Variants in ROBO2 observed in about 807,000 individuals in gnomAD.
ROBO2 encodes roundabout homolog 2.
Under a neutral mutation model 160.8 loss-of-function variants are expected in ROBO2, and 53 were observed. The observed-to-expected ratio is 0.33, with a 90% CI of 0.26 to 0.41. ROBO2 has a LOEUF of 0.41. Ranked by LOEUF, ROBO2 falls within the 10% of genes least tolerant of loss-of-function variation. The pLI is 1.00. For missense variants in ROBO2, 1,577 were observed against 1,722.4 expected (o/e 0.92, Z 1.49); for synonymous variants, 664 against 611.7 (o/e 1.09, Z -1.26).
chr3:76,706,171 T>TA (rs1322764554), intron 2 of ROBO2, among the ~76,000 whole-genome samples: 1 of 152,132 alleles, frequency 6.6e-6, no homozygotes, highest in Non-Finnish European at 1.5e-5. Flanking sequence ...AGAAAATAGT[T>TA]ACAAACTTTG....
chr3:77,118,688 A>C (rs907711391), intron 2 of ROBO2, among the ~76,000 whole-genome samples: 3 of 152,164 alleles, frequency 2.0e-5, no homozygotes, highest in African/African-American at 4.8e-5. Flanking sequence ...TTTTTATGTA[A>C]AGCAAGCATG....
intron 2 of ROBO2, among the ~76,000 whole-genome samples, chr3:77,368,992 C>A (rs774019226): frequency 6.6e-6 from 1 of 152,058 alleles, no homozygotes; most frequent in African/African-American, 2.4e-5. Context: ...TTTTATCTTG[C>A]GGTGGGGTTG....
At chr3:76,627,999 T>G (rs1190323009) in intron 2 of ROBO2, among the ~76,000 whole-genome samples, 1 of 151,916 alleles carries the variant, frequency 6.6e-6, no homozygotes, top group Non-Finnish European at 1.5e-5. Context: ...TTGAATATAT[T>G]ATAACAAGAG....
At chr3:76,971,929 A>T (rs547772195) in intron 2 of ROBO2, among the ~76,000 whole-genome samples, 1 of 152,314 alleles carries the variant, frequency 6.6e-6, no homozygotes, top group Non-Finnish European at 1.5e-5. Context: ...ATTAAATCAC[A>T]AGGATAATTA....
At chr3:77,007,218 T>C (rs2061626732) in intron 2 of ROBO2, among the ~76,000 whole-genome samples, 1 of 152,198 alleles carries the variant, frequency 6.6e-6, no homozygotes, top group Non-Finnish European at 1.5e-5. Flanking sequence ...CTTTGATTTA[T>C]AACTGTTCAT....
intron 2 of ROBO2, among the ~76,000 whole-genome samples, chr3:76,060,076 G>A (rs997207626): frequency 6.7e-5 from 10 of 149,894 alleles, no homozygotes; most frequent in Admixed American, 4.7e-4. Flanking sequence ...AAGGTACTTT[G>A]GTGTGATTTC....
chr3:76,622,242 GAAAGAAAGAAAGA>G (rs2089206685), intron 2 of ROBO2, among the ~76,000 whole-genome samples: 96 of 92,154 alleles, frequency 1.0e-3, no homozygotes, highest in Middle Eastern at 5.1e-3. Context: ...AAGGAAGAAA[GAAAGAAAGAAAGA>G]AAGAAAGAAA....
At chr3:76,038,796 A>ATGTG (rs111997787) in intron 2 of ROBO2, among the ~76,000 whole-genome samples, 4 of 149,682 alleles carry the variant, frequency 2.7e-5, no homozygotes, top group East Asian at 3.9e-4. Flanking sequence ...GTGTGTATGT[A>ATGTG]TGTGTGTGTG....
chr3:77,278,795 A>G (rs1276062012), intron 2 of ROBO2, among the ~76,000 whole-genome samples: 1 of 152,082 alleles, frequency 6.6e-6, no homozygotes, highest in East Asian at 1.9e-4. Context: ...AGTTGTGGAG[A>G]TAGTAGCAAT....
chr3:76,858,616 A>G (rs1357224976), intron 2 of ROBO2, among the ~76,000 whole-genome samples: 5 of 152,230 alleles, frequency 3.3e-5, no homozygotes, highest in Non-Finnish European at 7.3e-5. Context: ...AGTAATAAGA[A>G]GTAAGACTCG....
intron 2 of ROBO2, among the ~76,000 whole-genome samples, chr3:76,056,708 T>C (rs2067860684): frequency 6.6e-6 from 1 of 152,198 alleles, no homozygotes. Context: ...GGGTTGCAGA[T>C]GTTTATGGTA....
At chr3:77,044,011 A>G (rs1345342244) in intron 1 of ROBO2, among the ~76,000 whole-genome samples, 6 of 152,180 alleles carry the variant, frequency 3.9e-5, no homozygotes, top group African/African-American at 1.4e-4. Flanking sequence ...AGTCTATTTC[A>G]GAATTTAAAT....
intron 2 of ROBO2, among the ~76,000 whole-genome samples, chr3:77,206,359 G>A (rs147753388): frequency 6.6e-6 from 1 of 152,056 alleles, no homozygotes; most frequent in Admixed American, 6.5e-5. Flanking sequence ...TGGTGGAGAC[G>A]GGTTTTTACC....
chr3:77,047,986 G>T (rs187003910), intron 1 of ROBO2, among the ~76,000 whole-genome samples: 3 of 152,114 alleles, frequency 2.0e-5, no homozygotes, highest in African/African-American at 7.2e-5. Context: ...GGTGGAACTG[G>T]CAGTGAGCCG....
intron 2 of ROBO2, among the ~76,000 whole-genome samples, chr3:76,893,912 G>A (rs558205241): frequency 7.2e-5 from 11 of 151,970 alleles, no homozygotes; most frequent in Non-Finnish European, 1.0e-4. Context: ...ATATGAGTGA[G>A]AACATATGAT....
chr3:77,042,937 G>T (rs2064242024), intron 1 of ROBO2, among the ~76,000 whole-genome samples: 1 of 152,198 alleles, frequency 6.6e-6, no homozygotes, highest in African/African-American at 2.4e-5. Flanking sequence ...TTAAATTTTT[G>T]TGTGTGTGAA....
At chr3:77,477,830 C>T (rs1480819795) in intron 3 of ROBO2, among the ~76,000 whole-genome samples, 7 of 84,464 alleles carry the variant, frequency 8.3e-5, no homozygotes, top group South Asian at 4.6e-4. Context: ...TATTTTAGCT[C>T]TTTTTTTTTT....
intron 2 of ROBO2, among the ~76,000 whole-genome samples, chr3:77,233,799 C>T (rs959853661): frequency 3.9e-5 from 6 of 152,148 alleles, no homozygotes; most frequent in East Asian, 1.9e-4. Context: ...ATCTGGTTTT[C>T]GCTCAAGAAA....
At chr3:76,919,649 A>C (rs142537054) in intron 2 of ROBO2, among the ~76,000 whole-genome samples, 1 of 152,186 alleles carries the variant, frequency 6.6e-6, no homozygotes, top group Non-Finnish European at 1.5e-5. Context: ...AAACAATGTT[A>C]ATATTATCTT....
Sources: allele counts gnomAD v4.1 joint callset (sites outside exome capture counted in the v4.1 genomes callset), GRCh38; gene constraint gnomAD v4.1.1; transcripts MANE v1.5; gene names NCBI Gene and HGNC (gene_info 2026-07-23, HGNC 2026-07-21).